Variants in ADAMTS17 observed in about 807,000 individuals in gnomAD.
The protein encoded by ADAMTS17 is A disintegrin and metalloproteinase with thrombospondin motifs 17.
Under a neutral mutation model 141.5 loss-of-function variants are expected in ADAMTS17, and 113 were observed. That is an observed-to-expected ratio of 0.80 (90% CI 0.69 to 0.93). The LOEUF (loss-of-function observed/expected upper bound fraction) is 0.93, where lower values mean the gene tolerates loss of function less well. Ranked by LOEUF, ADAMTS17 falls within the 40% of genes least tolerant of loss-of-function variation. The pLI is 0.00. For missense variants in ADAMTS17, 1,659 were observed against 1,517.9 expected (o/e 1.09, Z -1.54); for synonymous variants, 768 against 630.6 (o/e 1.22, Z -3.27).
chr15:100,273,840 C>T (rs936573799), intron 4 of ADAMTS17, among the ~76,000 whole-genome samples: 1 of 152,152 alleles, frequency 6.6e-6, no homozygotes, highest in Non-Finnish European at 1.5e-5. Context: ...TCCCCCTAAG[C>T]AGTGCTTTGT....
chr15:100,156,616 A>G (rs1038699780), intron 8 of ADAMTS17, among the ~76,000 whole-genome samples: 1 of 152,198 alleles, frequency 6.6e-6, no homozygotes, highest in African/African-American at 2.4e-5. Context: ...CAATTCATAC[A>G]TGTGGCTACA....
At chr15:100,045,162 GT>G (rs1334027899) in intron 18 of ADAMTS17, among the ~76,000 whole-genome samples, 3 of 151,388 alleles carry the variant, frequency 2.0e-5, no homozygotes, top group Non-Finnish European at 4.4e-5. Flanking sequence ...TTTAATTTTA[GT>G]AATATATTTT....
At chr15:100,073,112 A>G (rs2034102956) in intron 15 of ADAMTS17, among the ~76,000 whole-genome samples, 1 of 152,250 alleles carries the variant, frequency 6.6e-6, no homozygotes. Flanking sequence ...GGATATGAAC[A>G]GACACTTCTC....
chr15:100,115,329 G>A (rs28706584), intron 13 of ADAMTS17, among the ~76,000 whole-genome samples: 6,031 of 152,272 alleles, frequency 0.04, 381 homozygotes, highest in African/African-American at 0.13. Context: ...AGGAGGGCAG[G>A]TCTCCCCTCT....
At chr15:100,274,787 T>G (rs1045817741) in intron 4 of ADAMTS17, among the ~76,000 whole-genome samples, 8 of 152,214 alleles carry the variant, frequency 5.3e-5, no homozygotes, top group Non-Finnish European at 2.9e-5. Context: ...TTTAGCTGAT[T>G]TGATTTTCTT....
chr15:100,084,318 C>G (rs1361549606), intron 15 of ADAMTS17, among the ~76,000 whole-genome samples: 1 of 152,218 alleles, frequency 6.6e-6, no homozygotes. Flanking sequence ...ATTGCCGAGG[C>G]TTGAGTAGGT....
At chr15:100,265,486 C>T (rs1465382298) in intron 4 of ADAMTS17, among the ~76,000 whole-genome samples, 1 of 152,240 alleles carries the variant, frequency 6.6e-6, no homozygotes. Context: ...GCGTTTGTCA[C>T]ATTTCCTTGG....
intron 3 of ADAMTS17, 50 bp downstream of exon 3, chr15:100,330,839 T>G: frequency 6.2e-7 from 1 of 1,604,934 alleles, no homozygotes; most frequent in South Asian, 1.1e-5. Flanking sequence ...ACACAAAGGA[T>G]GTGGGCTGTG....
chr15:100,189,010 C>CT (rs1311928780), intron 8 of ADAMTS17, among the ~76,000 whole-genome samples: 15 of 152,234 alleles, frequency 9.9e-5, no homozygotes, highest in Admixed American at 5.2e-4. Context: ...CCAAAAGGTC[C>CT]ACCCCTTGGA....
intron 7 of ADAMTS17, among the ~76,000 whole-genome samples, chr15:100,244,476 G>T (rs2042926781): frequency 6.6e-6 from 1 of 151,700 alleles, no homozygotes. Context: ...GTCATGGGAG[G>T]GACCTGGTGG....
chr15:100,055,735 C>T (rs573155622), intron 15 of ADAMTS17, among the ~76,000 whole-genome samples: 1 of 152,326 alleles, frequency 6.6e-6, no homozygotes, highest in East Asian at 1.9e-4. Flanking sequence ...ACAGTTTCCT[C>T]TCCTTTTTCT....
chr15:100,084,423 A>G (rs910057589), intron 15 of ADAMTS17, among the ~76,000 whole-genome samples: 2 of 152,234 alleles, frequency 1.3e-5, no homozygotes, highest in Non-Finnish European at 2.9e-5. Flanking sequence ...GGGGCAGGGC[A>G]CAGACAAACA....
intron 10 of ADAMTS17, among the ~76,000 whole-genome samples, chr15:100,151,283 T>C (rs560540485): frequency 3.3e-5 from 5 of 152,264 alleles, no homozygotes; most frequent in African/African-American, 9.6e-5. Context: ...AAACAGCCAG[T>C]AGGAGACAAC....
intron 15 of ADAMTS17, among the ~76,000 whole-genome samples, chr15:100,092,363 G>C (rs150205025): frequency 1.3e-5 from 2 of 152,152 alleles, no homozygotes; most frequent in South Asian, 2.1e-4. Context: ...ACTCAGACGC[G>C]TGAGCCAGGC....
intron 13 of ADAMTS17, among the ~76,000 whole-genome samples, chr15:100,109,390 T>C (rs575483509): frequency 3.3e-5 from 5 of 151,982 alleles, no homozygotes; most frequent in Non-Finnish European, 7.4e-5. Context: ...AGGCATCAAC[T>C]ATACCCGGTG....
In ADAMTS17 at chr15:100,277,032, C is replaced by A. The variant is rs77878511; in HGVS notation, c.789+4197G>T. Among the ~76,000 whole-genome samples, 823 of 152,178 alleles carry A rather than the reference C, an allele frequency of 5.4e-3. 15 individuals are homozygous for A. In the East Asian group the frequency reaches 0.068, roughly 13 times the overall value. ...CTGCTGCGGTGTGAGCCCCCCTGTGCAAGGGGGCTGACGACTCTGCTTCCA... is the reference window on the plus strand; with the variant it reads ...CTGCTGCGGTGTGAGCCCCCCTGTGAAAGGGGGCTGACGACTCTGCTTCCA... On this transcript the variant is annotated intron_variant, in intron 4 of 21. Coordinates refer to ENST00000268070, the MANE Select transcript of ADAMTS17 (RefSeq NM_139057.4).
intron 12 of ADAMTS17, among the ~76,000 whole-genome samples, chr15:100,119,648 T>C (rs148221209): frequency 0.012 from 1,771 of 152,306 alleles, 3 homozygotes; most frequent in South Asian, 0.023. Flanking sequence ...TGATGTGATA[T>C]GATGTAAGAG....
chr15:100,178,778 G>A (rs2040424197), intron 8 of ADAMTS17, among the ~76,000 whole-genome samples: 1 of 152,094 alleles, frequency 6.6e-6, no homozygotes, highest in Admixed American at 6.6e-5. Context: ...TTCTGAGAAT[G>A]TATTTTTTCT....
intron 3 of ADAMTS17, among the ~76,000 whole-genome samples, chr15:100,282,464 C>T (rs1022660849): frequency 6.6e-6 from 1 of 152,172 alleles, no homozygotes; most frequent in East Asian, 1.9e-4. Context: ...TGCATACATA[C>T]CTACGATGAC....
Sources: gnomAD v4.1 joint callset for allele counts (sites outside exome capture counted in the v4.1 genomes callset) on GRCh38, gnomAD v4.1.1 for gene constraint, MANE v1.5 for transcripts, NCBI Gene and HGNC (gene_info 2026-07-23, HGNC 2026-07-21) for gene names.